Variants in PTPRT observed in about 807,000 individuals in gnomAD.
PTPRT encodes the protein protein tyrosine phosphatase receptor type T, also known as receptor-type tyrosine-protein phosphatase T.
In PTPRT, 56 loss-of-function variants were observed where a neutral mutation model predicts 176.8. The ratio of observed to expected loss-of-function variants is 0.32; its 90% CI spans 0.26 to 0.40. The LOEUF (loss-of-function observed/expected upper bound fraction) is 0.40, where lower values mean the gene tolerates loss of function less well. Among genes scored for constraint, PTPRT ranks in the 10% least tolerant of loss-of-function variants. The pLI is 1.00. For missense variants in PTPRT, 1,540 were observed against 1,908.2 expected (o/e 0.81, Z 3.60); for synonymous variants, 783 against 739.0 (o/e 1.06, Z -0.96).
At chr20:43,145,621 T>C (rs1449889430) in intron 1 of PTPRT, among the ~76,000 whole-genome samples, 1 of 152,222 alleles carries the variant, frequency 6.6e-6, no homozygotes, top group East Asian at 1.9e-4. Flanking sequence ...AAAGAGAATG[T>C]GAACACTTTC....
chr20:42,492,570 G>T (rs1233189587), intron 7 of PTPRT, among the ~76,000 whole-genome samples: 1 of 152,096 alleles, frequency 6.6e-6, no homozygotes, highest in Admixed American at 6.6e-5. Flanking sequence ...GCTTCAGCCT[G>T]TTGTGCAAAT....
At chr20:42,219,755 G>A (rs1188786719) in intron 15 of PTPRT, among the ~76,000 whole-genome samples, 1 of 152,176 alleles carries the variant, frequency 6.6e-6, no homozygotes, top group African/African-American at 2.4e-5. Flanking sequence ...ATATGGTAGG[G>A]CCAAGATCCA....
At chr20:42,935,708 GGTCTA>G (rs1287055858) in intron 1 of PTPRT, among the ~76,000 whole-genome samples, 4 of 151,478 alleles carry the variant, frequency 2.6e-5, no homozygotes, top group African/African-American at 7.3e-5. Flanking sequence ...CGTCTAGTCC[GGTCTA>G]GTCTAGTCCA....
intron 7 of PTPRT, among the ~76,000 whole-genome samples, chr20:42,580,150 T>C (rs2073344148): frequency 6.6e-6 from 1 of 152,208 alleles, no homozygotes; most frequent in South Asian, 2.1e-4. Context: ...GCACCATCTA[T>C]TAAATAGGGA....
intron 9 of PTPRT, among the ~76,000 whole-genome samples, chr20:42,414,767 A>T (rs989489794): frequency 7.9e-5 from 12 of 152,204 alleles, no homozygotes; most frequent in African/African-American, 2.4e-4. Flanking sequence ...AGATTTTATG[A>T]AGTCAGAATA....
intron 1 of PTPRT, among the ~76,000 whole-genome samples, chr20:42,907,641 C>A (rs949307380): frequency 6.6e-6 from 1 of 151,992 alleles, no homozygotes; most frequent in South Asian, 2.1e-4. Context: ...TGTCAGGGGC[C>A]GTGGCGTGAG....
At chr20:42,774,352 G>A (rs750744447) in intron 4 of PTPRT, among the ~76,000 whole-genome samples, 2 of 152,152 alleles carry the variant, frequency 1.3e-5, no homozygotes, top group Non-Finnish European at 2.9e-5. Flanking sequence ...AATAAGGAGT[G>A]GTGAGGACTG....
intron 7 of PTPRT, among the ~76,000 whole-genome samples, chr20:42,550,289 G>A (rs2072745503): frequency 6.6e-6 from 1 of 151,994 alleles, no homozygotes; most frequent in Non-Finnish European, 1.5e-5. Context: ...TTTCTTGAAG[G>A]GACTCACTAG....
chr20:42,885,537 A>G (rs532234570), intron 2 of PTPRT, among the ~76,000 whole-genome samples: 63 of 152,162 alleles, frequency 4.1e-4, no homozygotes, highest in African/African-American at 1.5e-3. Flanking sequence ...CAGGCTCCCA[A>G]GCAAAACCCA....
intron 7 of PTPRT, among the ~76,000 whole-genome samples, chr20:42,519,405 G>A (rs772396583): frequency 2.0e-5 from 3 of 152,194 alleles, no homozygotes; most frequent in East Asian, 3.9e-4. Flanking sequence ...AGGTTGTTAC[G>A]TATGAAGGTG....
intron 9 of PTPRT, among the ~76,000 whole-genome samples, chr20:42,415,227 G>T (rs2059054030): frequency 6.6e-6 from 1 of 152,116 alleles, no homozygotes; most frequent in Non-Finnish European, 1.5e-5. Flanking sequence ...TGTTGCTCAG[G>T]GTGGAGTGCA....
intron 15 of PTPRT, among the ~76,000 whole-genome samples, chr20:42,212,679 C>T (rs979023521): frequency 2.0e-5 from 3 of 152,232 alleles, no homozygotes; most frequent in African/African-American, 4.8e-5. Flanking sequence ...GTACTTCCCC[C>T]GTCAGACTGT....
intron 1 of PTPRT, among the ~76,000 whole-genome samples, chr20:42,958,752 G>C (rs142252341): frequency 6.0e-4 from 92 of 152,198 alleles, no homozygotes; most frequent in African/African-American, 2.1e-3. Context: ...GGGAACAATA[G>C]ACACAAACCC....
intron 12 of PTPRT, among the ~76,000 whole-genome samples, chr20:42,297,963 A>G (rs2057412096): frequency 6.6e-6 from 1 of 152,152 alleles, no homozygotes; most frequent in Non-Finnish European, 1.5e-5. Context: ...TGAGTGTAAG[A>G]AAAAACTTTT....
chr20:43,144,440 C>A (rs2014107551), intron 1 of PTPRT, among the ~76,000 whole-genome samples: 2 of 152,190 alleles, frequency 1.3e-5, no homozygotes, highest in South Asian at 2.1e-4. Flanking sequence ...TCCCTTCTAT[C>A]CCCACTGCAA....
intron 6 of PTPRT, among the ~76,000 whole-genome samples, chr20:42,696,021 CA>C (rs1272210881): frequency 6.6e-6 from 1 of 152,090 alleles, no homozygotes; most frequent in Non-Finnish European, 1.5e-5. Context: ...TCGCTTCTAG[CA>C]GAGTACAGCA....
At chr20:42,121,697 T>TTATATATA (rs3086717) in intron 19 of PTPRT, among the ~76,000 whole-genome samples, 1 of 140,518 alleles carries the variant, frequency 7.1e-6, no homozygotes, top group African/African-American at 2.6e-5. Flanking sequence ...AAGAAATTTT[T>TTATATATA]TATATATATA....
chr20:42,344,873 G>A lies in PTPRT; in HGVS notation c.1865+5755C>T, dbSNP rs147098851. Among the ~76,000 whole-genome samples the A allele has an allele frequency of 5.3e-5, 8 of 152,054 alleles. No individual in the cohort carries two copies. In the East Asian group the frequency reaches 1.5e-3, roughly 29 times the overall value. On this transcript the variant is annotated intron_variant, in intron 11 of 30. Coordinates refer to ENST00000373187, the MANE Select transcript of PTPRT (RefSeq NM_007050.6). ...ACTTGTGGCTCCCCAAACACACCCT[G>A]TACCTTCTCTGTGTGCGCTTTTGCA...
intron 1 of PTPRT, among the ~76,000 whole-genome samples, chr20:42,932,759 C>T (rs1383832110): frequency 3.3e-5 from 5 of 152,224 alleles, no homozygotes; most frequent in Non-Finnish European, 7.3e-5. Flanking sequence ...ATCCTCTATC[C>T]ACCCTGGACA....
Sources: allele counts gnomAD v4.1 joint callset (sites outside exome capture counted in the v4.1 genomes callset), GRCh38; gene constraint gnomAD v4.1.1; transcripts MANE v1.5; gene names NCBI Gene and HGNC (gene_info 2026-07-23, HGNC 2026-07-21).